GALNT10: variants seen among roughly 807,000 people sequenced by gnomAD.
GALNT10 encodes polypeptide N-acetylgalactosaminyltransferase 10.
GALNT10 carries 41 observed loss-of-function variants against 75.0 expected under a neutral mutation model. That is an observed-to-expected ratio of 0.55 (90% confidence interval 0.43 to 0.71). GALNT10 has a LOEUF of 0.71. Ranked by LOEUF, GALNT10 falls within the 30% of genes least tolerant of loss-of-function variation. The pLI, the probability that GALNT10 is intolerant of heterozygous loss-of-function variation, is 0.00. For synonymous variants in GALNT10, 302 were observed against 313.0 expected (o/e 0.96, Z 0.37); for missense variants, 727 against 818.5 (o/e 0.89, Z 1.36).
At chr5:154,310,005 C>A (rs1456337272) in intron 3 of GALNT10, among the ~76,000 whole-genome samples, 1 of 152,138 alleles carries the variant, frequency 6.6e-6, no homozygotes, top group East Asian at 1.9e-4. Context: ...CTGTGGCGTG[C>A]AGTGTAATGG....
At chr5:154,191,136 G>C (rs893671470) in intron 1 of GALNT10, 111 bp downstream of exon 1, 3 of 720,430 alleles carry the variant, frequency 4.2e-6, no homozygotes, top group Non-Finnish European at 2.0e-6. Flanking sequence ...TCAGCTCCGA[G>C]ACTCTTCAGC....
chr5:154,193,706 T>C (rs1019373080), intron 1 of GALNT10, among the ~76,000 whole-genome samples: 1 of 152,248 alleles, frequency 6.6e-6, no homozygotes, highest in Non-Finnish European at 1.5e-5. Flanking sequence ...GAAGATTCTT[T>C]GAGAGTAACA....
chr5:154,361,098 G>A (rs1254016899), intron 4 of GALNT10, among the ~76,000 whole-genome samples: 1 of 151,830 alleles, frequency 6.6e-6, no homozygotes, highest in Admixed American at 6.6e-5. Context: ...TCTTTCCATG[G>A]GTTGTTTTTT....
chr5:154,375,616 T>TGACTC (rs1755642408), intron 4 of GALNT10, among the ~76,000 whole-genome samples: 1 of 152,196 alleles, frequency 6.6e-6, no homozygotes, highest in Non-Finnish European at 1.5e-5. Context: ...ATCCATGTCT[T>TGACTC]GACTCGTATT....
chr5:154,331,920 C>T (rs1488577390), intron 4 of GALNT10, among the ~76,000 whole-genome samples: 1 of 152,178 alleles, frequency 6.6e-6, no homozygotes, highest in Non-Finnish European at 1.5e-5. Context: ...ACAGCAGCCT[C>T]TGAGGGAAGC....
intron 1 of GALNT10, among the ~76,000 whole-genome samples, chr5:154,203,156 ACT>A (rs1373571483): frequency 1.3e-5 from 2 of 151,122 alleles, no homozygotes; most frequent in Non-Finnish European, 2.9e-5. Flanking sequence ...ACTTGTATGG[ACT>A]CTCTTTCACT....
At chr5:154,192,087 A>T (rs769273003) in intron 1 of GALNT10, among the ~76,000 whole-genome samples, 5 of 152,176 alleles carry the variant, frequency 3.3e-5, no homozygotes, top group African/African-American at 4.8e-5. Flanking sequence ...TGAGAAGTGG[A>T]TAATTTGTGT....
chr5:154,207,644 C>T (rs1022426670), intron 1 of GALNT10, among the ~76,000 whole-genome samples: 2 of 151,998 alleles, frequency 1.3e-5, no homozygotes, highest in Non-Finnish European at 1.5e-5. Context: ...AAGTCTTTTA[C>T]GGGGAGTGGG....
intron 1 of GALNT10, among the ~76,000 whole-genome samples, chr5:154,219,836 TCTCACACA>T (rs1480169467): frequency 1.3e-3 from 175 of 134,290 alleles, no homozygotes; most frequent in African/African-American, 4.4e-3. Flanking sequence ...TCTCTCTCTC[TCTCACACA>T]CACACACACA....
At position 154,409,562 on chromosome 5, in the gene GALNT10, G is replaced by A; in HGVS notation, c.1186G>A (p.Val396Met). ...ATAGAACCTTAAGCGGGTGGCCGAA[G>A]TGTGGATGGATGAGTACGCAGAGTA... ...LARNLKRVAE[V>M]WMDEYAEYIY... The change falls in exon 9 of 12, where the codon GTG becomes ATG. Residue 396 changes from valine to methionine, a missense_variant. By Grantham distance (21) the Val-to-Met change is conservative. Coordinates refer to ENST00000297107, the MANE Select transcript of GALNT10 (RefSeq NM_198321.4). The surrounding 1 kb of genome is among the most constrained non-coding windows in gnomAD (Gnocchi z 4.5). 6.2e-7 allele frequency: 1 copy of A among 1,613,668 alleles called. No homozygotes were observed. Among genetic ancestry groups the A allele is most frequent in the Non-Finnish European group, 8.5e-7 (1 of 1,179,522 alleles).
At chr5:154,266,639 CTGAGG>C (rs1374939838) in intron 1 of GALNT10, among the ~76,000 whole-genome samples, 1 of 149,380 alleles carries the variant, frequency 6.7e-6, no homozygotes, top group African/African-American at 2.5e-5. Context: ...CTTTGGGAGG[CTGAGG>C]TGAGAGGATC....
At chr5:154,302,510 G>A (rs1421592724) in intron 3 of GALNT10, among the ~76,000 whole-genome samples, 1 of 152,380 alleles carries the variant, frequency 6.6e-6, no homozygotes, top group South Asian at 2.1e-4. Context: ...GGCCCCTCCA[G>A]AGCACAGGGC....
chr5:154,416,673 G>C lies in GALNT10; in HGVS notation c.1654-141G>C. 1.5e-6 allele frequency: 1 copy of C among 658,542 alleles called. No homozygotes were observed. The highest frequency in any genetic ancestry group is 1.8e-5 in the South Asian group (1 of 55,786). 40.8% of individuals were successfully genotyped at this position (658,542 alleles called of 1,614,324 possible). A position where few individuals can be genotyped will look rare whatever the true frequency, so the allele number is the denominator to read the frequency against. On this transcript the variant is annotated intron_variant, in intron 11 of 11. Transcript: ENST00000297107. This position sits in a 1 kb window ranked among gnomAD's most constrained non-coding sequence, Gnocchi z 4.5. ...AGGCTGGGCAGCATCCGGCTTGTGA[G>C]CTCAGGAGGAAAACCAACAGGTGTA...
At chr5:154,261,518 G>C (rs7733778) in intron 1 of GALNT10, among the ~76,000 whole-genome samples, 26,910 of 152,138 alleles carry the variant, frequency 0.18, 2,534 homozygotes, top group African/African-American at 0.21. Flanking sequence ...ACCAAACAAG[G>C]GAAAATGTGT....
intron 4 of GALNT10, among the ~76,000 whole-genome samples, chr5:154,341,511 CT>C (rs1420281021): frequency 1.3e-5 from 2 of 152,004 alleles, no homozygotes; most frequent in East Asian, 1.9e-4. Context: ...CAGAAATTGT[CT>C]TTTTTTTCCT....
intron 3 of GALNT10, among the ~76,000 whole-genome samples, chr5:154,314,348 T>C (rs1754567614): frequency 1.3e-5 from 2 of 152,100 alleles, no homozygotes; most frequent in Non-Finnish European, 2.9e-5. Context: ...GAAGTGCCCT[T>C]CCTAGAATTC....
chr5:154,406,867 A>G (rs570921819), intron 8 of GALNT10, among the ~76,000 whole-genome samples: 29 of 152,276 alleles, frequency 1.9e-4, no homozygotes, highest in African/African-American at 6.7e-4. Flanking sequence ...CCCCTAGATG[A>G]TCATTTTGAT....
chr5:154,235,561 G>A (rs947444301), intron 1 of GALNT10, among the ~76,000 whole-genome samples: 5 of 152,066 alleles, frequency 3.3e-5, no homozygotes, highest in Admixed American at 1.3e-4. Flanking sequence ...TGAGTGTTTT[G>A]GGGGACCAAC....
chr5:154,191,015 C>G lies in GALNT10; in HGVS notation c.149C>G (p.Ala50Gly). The G allele has an allele frequency of 6.9e-7, 1 of 1,454,750 alleles. No individual in the cohort carries two copies. The highest frequency in any genetic ancestry group is 9.1e-7 in the Non-Finnish European group (1 of 1,098,350). The allele number at this position is 1,454,750 out of a possible 1,614,324, so 90.1% of individuals were successfully genotyped here. A position where few individuals can be genotyped will look rare whatever the true frequency, so the allele number is the denominator to read the frequency against. The stretch of plus-strand genomic sequence containing the variant: ...GGATCGGGGGCGGCGGTGGCGCCGG[C>G]GGCGGGACAGGTGAGTCCCCCCGTT... ...PGGSGAAVAP[A>G]AGQGSHSRQK... The change falls in exon 1 of 12, where the codon GCG becomes GGG. Residue 50 changes from alanine (A) to glycine (G), a missense_variant. Physicochemically the swap from Ala to Gly is moderately conservative, Grantham distance 60. Coordinates refer to ENST00000297107, the MANE Select transcript of GALNT10 (RefSeq NM_198321.4).
Sources: gnomAD v4.1 joint callset for allele counts (sites outside exome capture counted in the v4.1 genomes callset) on GRCh38, gnomAD v4.1.1 for gene constraint, Gnocchi (gnomAD v3.1) non-coding constraint, MANE v1.5 for transcripts, NCBI Gene and HGNC (gene_info 2026-07-23, HGNC 2026-07-21) for gene names.